KCNQ5: variants seen among roughly 807,000 people sequenced by gnomAD.
KCNQ5 encodes potassium voltage-gated channel subfamily Q member 5.
A neutral mutation model predicts 98.2 loss-of-function variants in KCNQ5; 30 were observed. That is an observed-to-expected ratio of 0.31 (90% CI 0.23 to 0.41). The LOEUF (loss-of-function observed/expected upper bound fraction) is 0.41, where lower values mean the gene tolerates loss of function less well. KCNQ5 is among the 10% of genes least tolerant of loss of function. The pLI is 1.00. For synonymous variants in KCNQ5, 458 were observed against 449.4 expected, an observed-to-expected ratio of 1.02 and a Z score of -0.24; for missense variants, 835 against 1,182.5, an observed-to-expected ratio of 0.71 and a Z score of 4.31.
intron 1 of KCNQ5, among the ~76,000 whole-genome samples, chr6:72,930,392 T>C (rs1259554101): frequency 1.3e-5 from 2 of 152,126 alleles, no homozygotes; most frequent in African/African-American, 4.8e-5. Flanking sequence ...CCAGAAAGAC[T>C]GATCCTTCAT....
rs150665336 is a variant in KCNQ5 at position 73,065,715 on chromosome 6, C to A, written c.617-11607C>A. Among the ~76,000 whole-genome samples, 9 of 152,370 alleles carry A rather than the reference C, an allele frequency of 5.9e-5. No homozygotes were observed. The East Asian group carries it at 1.7e-3, about 29-fold the overall frequency. ...TGATCTCCTTGCCTTCCCTTGAACA[C>A]ACTGAACACACTTCCACCTCAAGGT... On this transcript the variant is annotated intron_variant, in intron 3 of 13. Transcript: ENST00000370398.
At chr6:73,042,097 C>T (rs1410110402) in intron 3 of KCNQ5, 35 bp downstream of exon 3, 1 of 1,611,184 alleles carries the variant, frequency 6.2e-7, no homozygotes, top group Non-Finnish European at 8.5e-7. Flanking sequence ...TGGACTATGA[C>T]ACCAACATTC....
At chr6:72,847,739 T>G (rs527723237) in intron 1 of KCNQ5, among the ~76,000 whole-genome samples, 1 of 152,230 alleles carries the variant, frequency 6.6e-6, no homozygotes, top group South Asian at 2.1e-4. Flanking sequence ...ACCAACCACT[T>G]GTATTTGCAT....
chr6:72,802,804 G>T (rs1286955095), intron 1 of KCNQ5, among the ~76,000 whole-genome samples: 1 of 152,042 alleles, frequency 6.6e-6, no homozygotes, highest in Admixed American at 6.6e-5. Flanking sequence ...AACTGCAGCC[G>T]AGACAATTAC....
intron 1 of KCNQ5, among the ~76,000 whole-genome samples, chr6:72,627,198 G>A (rs961720958): frequency 1.3e-5 from 2 of 152,196 alleles, no homozygotes; most frequent in African/African-American, 2.4e-5. Context: ...ATCTAAATAT[G>A]TAACCAGATA....
chr6:72,935,401 G>A (rs1281180796), intron 1 of KCNQ5, among the ~76,000 whole-genome samples: 1 of 152,006 alleles, frequency 6.6e-6, no homozygotes, highest in Non-Finnish European at 1.5e-5. Flanking sequence ...TTGTGCCTGA[G>A]AAACTAAACA....
intron 2 of KCNQ5, among the ~76,000 whole-genome samples, chr6:73,016,426 G>T (rs1434965611): frequency 1.3e-5 from 2 of 152,092 alleles, no homozygotes; most frequent in Non-Finnish European, 2.9e-5. Flanking sequence ...AGAATCCAAA[G>T]CTGACTCAGT....
At chr6:73,129,791 A>T (rs180676586) in intron 9 of KCNQ5, 65 of 1,611,806 alleles carry the variant, frequency 4.0e-5, no homozygotes. Context: ...CCTCACTCCT[A>T]GTAAGTTCTG....
intron 7 of KCNQ5, among the ~76,000 whole-genome samples, chr6:73,111,772 C>T (rs1448767211): frequency 6.6e-6 from 1 of 152,166 alleles, no homozygotes; most frequent in Non-Finnish European, 1.5e-5. Flanking sequence ...TTGTTCCCTG[C>T]ATTCCAATTA....
At chr6:72,629,040 A>G (rs985450917) in intron 1 of KCNQ5, among the ~76,000 whole-genome samples, 5 of 152,112 alleles carry the variant, frequency 3.3e-5, no homozygotes, top group Non-Finnish European at 7.4e-5. Flanking sequence ...TCTTATTATT[A>G]TATCACCAGC....
chr6:73,135,008 T>C (rs1365613138), intron 10 of KCNQ5: 3 of 152,238 alleles, frequency 2.0e-5, no homozygotes, highest in African/African-American at 7.2e-5. Context: ...GCTTGCTGAA[T>C]ATAAATGGGT....
intron 1 of KCNQ5, among the ~76,000 whole-genome samples, chr6:72,774,737 C>T (rs929804742): frequency 2.6e-5 from 4 of 152,036 alleles, no homozygotes; most frequent in Admixed American, 6.6e-5. Context: ...TGAAAAGGTT[C>T]TCGGCTTAAT....
chr6:73,070,652 T>C (rs542884948), intron 3 of KCNQ5, among the ~76,000 whole-genome samples: 1 of 152,200 alleles, frequency 6.6e-6, no homozygotes, highest in Non-Finnish European at 1.5e-5. Context: ...GCATTCTTAG[T>C]ACCAAACTGC....
intron 1 of KCNQ5, among the ~76,000 whole-genome samples, chr6:72,680,486 G>A (rs747793924): frequency 1.3e-5 from 2 of 152,320 alleles, no homozygotes; most frequent in East Asian, 1.9e-4. Flanking sequence ...AAGAGTAGGA[G>A]CAGGAATACC....
chr6:72,638,841 A>G (rs1393958453), intron 1 of KCNQ5, among the ~76,000 whole-genome samples: 1 of 152,168 alleles, frequency 6.6e-6, no homozygotes, highest in African/African-American at 2.4e-5. Context: ...GCAGCATGAC[A>G]AGGACCTGGA....
intron 10 of KCNQ5, chr6:73,135,910 C>G (rs1776449476): frequency 6.6e-6 from 1 of 152,144 alleles, no homozygotes; most frequent in Admixed American, 6.5e-5. Flanking sequence ...TGCAAATTTC[C>G]TCTACTTATA....
At chr6:73,116,935 T>C (rs1030540669) in intron 7 of KCNQ5, among the ~76,000 whole-genome samples, 6 of 152,188 alleles carry the variant, frequency 3.9e-5, no homozygotes, top group African/African-American at 1.4e-4. Flanking sequence ...CATGCCATAA[T>C]GGTAATACTT....
intron 3 of KCNQ5, among the ~76,000 whole-genome samples, chr6:73,063,773 T>A (rs1449503386): frequency 2.8e-5 from 4 of 144,328 alleles, no homozygotes; most frequent in Non-Finnish European, 6.2e-5. Flanking sequence ...ATATAATAGA[T>A]CTACACATGG....
chr6:73,175,802 C>T (rs999791951), intron 11 of KCNQ5, among the ~76,000 whole-genome samples: 1 of 152,200 alleles, frequency 6.6e-6, no homozygotes, highest in Non-Finnish European at 1.5e-5. Flanking sequence ...CAATGCAGAG[C>T]AGCATATTAC....
Sources: allele counts gnomAD v4.1 joint callset (sites outside exome capture counted in the v4.1 genomes callset), GRCh38; gene constraint gnomAD v4.1.1; transcripts MANE v1.5; gene names NCBI Gene and HGNC (gene_info 2026-07-23, HGNC 2026-07-21).